Variants in TRDN observed in about 807,000 individuals in gnomAD.
TRDN encodes the protein triadin in skeletal muscle.
In TRDN, 161 loss-of-function variants were observed where a neutral mutation model predicts 149.7. The observed-to-expected ratio is 1.08, with a 90% CI of 0.95 to 1.23. The LOEUF (loss-of-function observed/expected upper bound fraction) is 1.23. Among genes scored for constraint, TRDN ranks in the 50% most tolerant of loss-of-function variants. The pLI, the probability that TRDN is intolerant of heterozygous loss-of-function variation, is 0.00. For missense variants in TRDN, 896 were observed against 823.5 expected (o/e 1.09, Z -1.08); for synonymous variants, 294 against 250.5 (o/e 1.17, Z -1.64).
chr6:123,413,415 C>G (rs796510150), intron 12 of TRDN, among the ~76,000 whole-genome samples: 5 of 152,274 alleles, frequency 3.3e-5, no homozygotes, highest in African/African-American at 9.6e-5. Flanking sequence ...GAAATCACAC[C>G]TTGGTGAAAT....
intron 2 of TRDN, among the ~76,000 whole-genome samples, chr6:123,565,256 C>T (rs61671896): frequency 0.049 from 7,465 of 152,096 alleles, 610 homozygotes; most frequent in African/African-American, 0.17. Context: ...GGAAGATCTC[C>T]GGCAGCCTTT....
At chr6:123,636,352 T>C (rs1353491778) in intron 1 of TRDN, among the ~76,000 whole-genome samples, 1 of 151,898 alleles carries the variant, frequency 6.6e-6, no homozygotes, top group Non-Finnish European at 1.5e-5. Context: ...TAAGCATTAG[T>C]GTAATATTTT....
intron 10 of TRDN, chr6:123,442,407 G>C (rs991991655): frequency 1.4e-5 from 2 of 140,430 alleles, no homozygotes; most frequent in Admixed American, 1.4e-4. Flanking sequence ...TTAGCCGGGC[G>C]TGATGGTGGG....
At chr6:123,240,746 G>A (rs1344664740) in intron 38 of TRDN, among the ~76,000 whole-genome samples, 4 of 151,842 alleles carry the variant, frequency 2.6e-5, no homozygotes, top group African/African-American at 9.7e-5. Flanking sequence ...ATTTTCTTGT[G>A]CAGTGCTAGA....
At chr6:123,375,774 G>A (rs1781478747) in intron 18 of TRDN, 143 bp from the exon 19 acceptor site, 1 of 609,936 alleles carries the variant, frequency 1.6e-6, no homozygotes, top group Admixed American at 4.1e-5. Context: ...CTGAGAAAAG[G>A]AAAATATAAT....
chr6:123,420,598 A>C (rs1260528148), intron 12 of TRDN, among the ~76,000 whole-genome samples: 1 of 152,222 alleles, frequency 6.6e-6, no homozygotes, highest in East Asian at 1.9e-4. Context: ...GAATAAAGAC[A>C]AAGTAAATGC....
intron 2 of TRDN, among the ~76,000 whole-genome samples, chr6:123,557,724 C>T (rs565296597): frequency 3.3e-5 from 5 of 152,018 alleles, no homozygotes; most frequent in Admixed American, 6.6e-5. Context: ...GCAGCAAGCA[C>T]CGCTTTTCTG....
At chr6:123,623,730 T>A (rs563054692) in intron 1 of TRDN, among the ~76,000 whole-genome samples, 1 of 152,296 alleles carries the variant, frequency 6.6e-6, no homozygotes, top group Non-Finnish European at 1.5e-5. Context: ...TGTCCTTTAA[T>A]TTAGAAACAT....
chr6:123,381,277 A>G lies in TRDN; in HGVS notation c.1186+93T>C, dbSNP rs148318256. 2.4e-3 allele frequency: 2,871 copies of G among 1,194,048 alleles called. 61 individuals are homozygous for G. In the African/African-American group the frequency reaches 0.039, roughly 16 times the overall value. The allele number at this position is 1,194,048 out of a possible 1,614,324, so 74.0% of individuals were successfully genotyped here. ...GTTCACATGCATAAAACATAGGAAAAGCGGATTCAAAATTGCAGGTCTAAA... is the reference window on the plus strand; with the variant it reads ...GTTCACATGCATAAAACATAGGAAAGGCGGATTCAAAATTGCAGGTCTAAA... On this transcript the variant is annotated intron_variant, in intron 16 of 40. Coordinates refer to ENST00000334268, the MANE Select transcript of TRDN (RefSeq NM_006073.4).
intron 20 of TRDN, among the ~76,000 whole-genome samples, chr6:123,363,679 C>T (rs1038374746): frequency 3.9e-5 from 6 of 152,164 alleles, no homozygotes; most frequent in African/African-American, 1.4e-4. Context: ...TGGCCATACT[C>T]TATAAACTCA....
chr6:123,423,916 C>T (rs1774012337), intron 12 of TRDN, among the ~76,000 whole-genome samples: 1 of 152,082 alleles, frequency 6.6e-6, no homozygotes, highest in Non-Finnish European at 1.5e-5. Flanking sequence ...GCACTCTGGC[C>T]TAACTTGGGT....
intron 7 of TRDN, chr6:123,509,884 C>T: frequency 6.6e-6 from 1 of 151,964 alleles, no homozygotes; most frequent in South Asian, 2.1e-4. Flanking sequence ...ATACTGACTG[C>T]ACCTGGGTTT....
chr6:123,596,691 A>G (rs1030148112), intron 1 of TRDN, among the ~76,000 whole-genome samples: 3 of 152,120 alleles, frequency 2.0e-5, no homozygotes, highest in African/African-American at 7.2e-5. Context: ...GAAGAATTAT[A>G]CTAAATCTAC....
chr6:123,387,419 G>T (rs934584335), intron 14 of TRDN, among the ~76,000 whole-genome samples: 1 of 152,060 alleles, frequency 6.6e-6, no homozygotes, highest in Non-Finnish European at 1.5e-5. Context: ...ATGGTGAAAT[G>T]AGTGACTTTT....
At chr6:123,430,218 C>G (rs112648536) in intron 12 of TRDN, among the ~76,000 whole-genome samples, 1 of 151,530 alleles carries the variant, frequency 6.6e-6, no homozygotes, top group Non-Finnish European at 1.5e-5. Flanking sequence ...AGCAGTGAGG[C>G]GAGATTACAC....
rs760733562 is a variant in TRDN at position 123,557,769 on chromosome 6, C to A, written c.233-9157G>T. 5.9e-5 allele frequency among the ~76,000 whole-genome samples: 9 copies of A among 151,798 alleles called. No homozygotes were observed. In the South Asian group the frequency reaches 1.9e-3, roughly 32 times the overall value. The stretch of plus-strand genomic sequence containing the variant: ...CACCTCCAACCCCTTCCCTCCATGT[C>A]TCTACCCCTTCTCCACTTTCCTGGG... On this transcript the variant is annotated intron_variant, in intron 2 of 40. Transcript: ENST00000334268.
chr6:123,247,364 C>T (rs1320834658), intron 38 of TRDN, among the ~76,000 whole-genome samples: 1 of 152,120 alleles, frequency 6.6e-6, no homozygotes, highest in Non-Finnish European at 1.5e-5. Flanking sequence ...TGTCTCAGCC[C>T]AAAAACTCAT....
intron 1 of TRDN, among the ~76,000 whole-genome samples, chr6:123,586,926 A>G (rs62419193): frequency 0.3 from 45,325 of 151,712 alleles, 7,251 homozygotes; most frequent in East Asian, 0.54. Flanking sequence ...GTTAGGGCAC[A>G]GAAATAATGG....
At chr6:123,347,124 C>G (rs1258663390) in intron 21 of TRDN, among the ~76,000 whole-genome samples, 1 of 151,990 alleles carries the variant, frequency 6.6e-6, no homozygotes, top group East Asian at 1.9e-4. Context: ...TTGTGTTACC[C>G]TCTAAGGAAT....
Sources: allele counts gnomAD v4.1 joint callset (sites outside exome capture counted in the v4.1 genomes callset), GRCh38; gene constraint gnomAD v4.1.1; transcripts MANE v1.5; gene names NCBI Gene and HGNC (gene_info 2026-07-23, HGNC 2026-07-21).